ZFHX3: variants seen among roughly 807,000 people sequenced by gnomAD.
ZFHX3 encodes the protein zinc finger homeobox 3.
Under a neutral mutation model 279.1 loss-of-function variants are expected in ZFHX3, and 42 were observed. That is an observed-to-expected ratio of 0.15 (90% CI 0.12 to 0.19). The LOEUF (loss-of-function observed/expected upper bound fraction) is 0.19, where lower values mean the gene tolerates loss of function less well. Ranked by LOEUF, ZFHX3 falls within the 10% of genes least tolerant of loss-of-function variation. The pLI is 1.00. For synonymous variants in ZFHX3, 2,293 were observed against 1,957.8 expected (o/e 1.17, Z -4.52); for missense variants, 4,981 against 4,754.0 (o/e 1.05, Z -1.40).
chr16:73,344,211 C>T (rs1227752319), intron 3 of ZFHX3, among the ~76,000 whole-genome samples: 1 of 152,190 alleles, frequency 6.6e-6, no homozygotes. Context: ...ATCATATCCT[C>T]TGACTTCCTC....
chr16:72,950,555 C>T lies in ZFHX3; in HGVS notation c.3130G>A (p.Ala1044Thr), dbSNP rs533692914. 23 of 1,614,236 alleles carry T rather than the reference C, an allele frequency of 1.4e-5. No individual in the cohort carries two copies. The East Asian group carries it at 2.0e-4, about 14-fold the overall frequency. The change falls in exon 3 of 10, where the codon GCC becomes ACC. Residue 1044 changes from alanine (A) to threonine (T), a missense_variant. Physicochemically the swap from Ala to Thr is moderately conservative, Grantham distance 58 (BLOSUM62 0). Around this residue, in one of 7 missense-constraint regions of ZFHX3, gnomAD observed 1,751 missense variants for 1,770.0 expected, o/e 0.99. Transcript: ENST00000268489. Reference protein sequence around the residue: ...IGNPVHLKCNACDYYTNSLEK... With the variant: ...IGNPVHLKCNTCDYYTNSLEK... ...AGGCTGTTGGTGTAGTAGTCACAGG[C>T]GTTGCACTTGAGGTGCACGGGGTTG...
At chr16:72,858,979 T>C (rs1049246434) in intron 4 of ZFHX3, among the ~76,000 whole-genome samples, 2 of 152,222 alleles carry the variant, frequency 1.3e-5, no homozygotes, top group Admixed American at 6.5e-5. Context: ...AATCAGATCC[T>C]GAGTTCCTCA....
At position 73,619,500 on chromosome 16, in the gene ZFHX3, T is replaced by TATATA. The variant is rs34326004; in HGVS notation, c.-1547+60679_-1547+60680insTATAT. On this transcript the variant is annotated intron_variant, in intron 2 of 17. Transcript: ENST00000641206. Reference sequence around the variant, plus strand: ...GATACTGTGTCTCAAAAAAAAAAAATTATATATATATATATATATGTCTGT... The same window carrying TATATA: ...GATACTGTGTCTCAAAAAAAAAAAATATATATATATATATATATATATATGTCTGT... 9.1e-3 allele frequency among the ~76,000 whole-genome samples: 1,200 copies of TATATA among 131,708 alleles called. 34 individuals are homozygous for TATATA. Among genetic ancestry groups the TATATA allele is most frequent in the African/African-American group, 0.034 (1,117 of 33,280 alleles). 86.4% of individuals were successfully genotyped at this position (131,708 alleles called of 152,430 possible). A position where few individuals can be genotyped will look rare whatever the true frequency, so the allele number is the denominator to read the frequency against.
chr16:73,783,124 G>A (rs747312895), intron 1 of ZFHX3, among the ~76,000 whole-genome samples: 4 of 152,112 alleles, frequency 2.6e-5, no homozygotes, highest in South Asian at 4.1e-4. Flanking sequence ...CCAGCTGCCC[G>A]GAGAGTTGGC....
intron 1 of ZFHX3, among the ~76,000 whole-genome samples, chr16:73,694,063 C>T (rs1884504975): frequency 6.6e-6 from 1 of 151,298 alleles, no homozygotes; most frequent in South Asian, 2.1e-4. Context: ...TGGCTCATGC[C>T]TGTAATCCCA....
At chr16:73,797,515 C>A (rs965506705) in intron 1 of ZFHX3, among the ~76,000 whole-genome samples, 1 of 152,082 alleles carries the variant, frequency 6.6e-6, no homozygotes, top group East Asian at 1.9e-4. Flanking sequence ...GAGGTTTAGG[C>A]CCAGGGAGGT....
At chr16:73,515,474 A>G (rs2019503504) in intron 2 of ZFHX3, among the ~76,000 whole-genome samples, 1 of 151,482 alleles carries the variant, frequency 6.6e-6, no homozygotes, top group South Asian at 2.1e-4. Context: ...GATAAGAGAG[A>G]GGAAAAAGAA....
rs147364426 is a variant in ZFHX3, at chr16:73,643,837, A to G, written c.-1547+36343T>C. The stretch of plus-strand genomic sequence containing the variant: ...CTCCCAAAAACAAAAGCCCTTTTTC[A>G]GTTCTATCTCCCTCTTGAGTCATAC... On this transcript the variant is annotated intron_variant, in intron 2 of 17. Coordinates refer to the ZFHX3 transcript ENST00000641206. Among the ~76,000 whole-genome samples the G allele has an allele frequency of 1.8e-3, 275 of 152,170 alleles. 4 individuals carry two copies. Among genetic ancestry groups the G allele is most frequent in the Admixed American group, 0.016 (250 of 15,296 alleles).
At chr16:73,595,554 G>T (rs1210407409) in intron 2 of ZFHX3, among the ~76,000 whole-genome samples, 1 of 152,074 alleles carries the variant, frequency 6.6e-6, no homozygotes, top group Non-Finnish European at 1.5e-5. Flanking sequence ...TTCTGGGCTG[G>T]GCCTTTGTCC....
intron 2 of ZFHX3, among the ~76,000 whole-genome samples, chr16:73,668,265 C>T (rs2052865733): frequency 6.6e-6 from 1 of 151,772 alleles, no homozygotes; most frequent in Admixed American, 6.6e-5. Context: ...TCTACCTAGA[C>T]AGTAAATGCA....
At chr16:73,019,792 T>G (rs986028396) in intron 1 of ZFHX3, among the ~76,000 whole-genome samples, 2 of 152,150 alleles carry the variant, frequency 1.3e-5, no homozygotes, top group African/African-American at 4.8e-5. Context: ...CTTCCCTTTC[T>G]CTATGGCTTC....
chr16:73,884,152 C>T (rs1175080953), intron 1 of ZFHX3, among the ~76,000 whole-genome samples: 3 of 152,090 alleles, frequency 2.0e-5, no homozygotes, highest in Non-Finnish European at 2.9e-5. Flanking sequence ...AAAATAAACC[C>T]AACATTTTAG....
chr16:73,622,586 A>G (rs954260989), intron 2 of ZFHX3, among the ~76,000 whole-genome samples: 1 of 151,896 alleles, frequency 6.6e-6, no homozygotes, highest in Admixed American at 6.6e-5. Flanking sequence ...AGAAAGAAAG[A>G]AAGAATTTGG....
At chr16:72,934,033 T>C (rs778726028) in intron 3 of ZFHX3, among the ~76,000 whole-genome samples, 5 of 152,068 alleles carry the variant, frequency 3.3e-5, no homozygotes, top group African/African-American at 1.2e-4. Context: ...TTAGCCAGGA[T>C]GGCCTCCATC....
At chr16:73,250,974 C>T (rs2013468796) in intron 5 of ZFHX3, among the ~76,000 whole-genome samples, 1 of 152,176 alleles carries the variant, frequency 6.6e-6, no homozygotes, top group African/African-American at 2.4e-5. Flanking sequence ...CTCCTGGTCT[C>T]ATCTGCAATC....
At chr16:73,170,223 G>GTTTTTTTTGT (rs1967487639) in intron 5 of ZFHX3, among the ~76,000 whole-genome samples, 1 of 57,718 alleles carries the variant, frequency 1.7e-5, no homozygotes, top group Non-Finnish European at 2.9e-5. Flanking sequence ...CCTTTCACTA[G>GTTTTTTTTGT]TTTTTTTTTT....
intron 2 of ZFHX3, among the ~76,000 whole-genome samples, chr16:73,506,852 T>A (rs1366207018): frequency 1.3e-5 from 2 of 152,208 alleles, no homozygotes; most frequent in Non-Finnish European, 2.9e-5. Flanking sequence ...TTAATATGCA[T>A]ACTGCTTGAG....
In ZFHX3 at chr16:73,746,747, T is replaced by C. The variant is rs112657709; in HGVS notation, c.-1607-66507A>G. On this transcript the variant is annotated intron_variant, in intron 1 of 17. Coordinates refer to the ZFHX3 transcript ENST00000641206. Reference sequence around the variant, plus strand: ...TTATCCAGCAGTCTGAATCATTCCTTAAGTAAGATAACAAATGCCCTGAAA... The same window carrying C: ...TTATCCAGCAGTCTGAATCATTCCTCAAGTAAGATAACAAATGCCCTGAAA... Among the ~76,000 whole-genome samples the C allele has an allele frequency of 3.7e-4, 57 of 152,342 alleles. 1 individual carries two copies. The highest frequency in any genetic ancestry group is 1.2e-3 in the African/African-American group (50 of 41,594).
At chr16:72,809,683 A>G (rs149217567) in intron 7 of ZFHX3, 3 of 152,320 alleles carry the variant, frequency 2.0e-5, no homozygotes, top group African/African-American at 7.2e-5. Context: ...GCAGAACCAA[A>G]TGGAATAGAA....
Sources: gnomAD v4.1 joint callset for allele counts (sites outside exome capture counted in the v4.1 genomes callset) on GRCh38, gnomAD v4.1.1 for gene constraint, gnomAD v4.1.1 regional missense constraint, MANE v1.5 for transcripts, NCBI Gene and HGNC (gene_info 2026-07-23, HGNC 2026-07-21) for gene names.